TFCP2: variants seen among roughly 807,000 people sequenced by gnomAD.
TFCP2 encodes alpha-globin transcription factor CP2.
A neutral mutation model predicts 73.4 loss-of-function variants in TFCP2; 33 were observed. The ratio of observed to expected loss-of-function variants is 0.45; its 90% CI spans 0.34 to 0.60. The LOEUF (loss-of-function observed/expected upper bound fraction) is 0.60. Ranked by LOEUF, TFCP2 falls within the 20% of genes least tolerant of loss-of-function variation. The pLI, the probability that TFCP2 is intolerant of heterozygous loss-of-function variation, is 0.01. For missense variants in TFCP2, 352 were observed against 604.0 expected (o/e 0.58, Z 4.37); for synonymous variants, 193 against 211.6 (o/e 0.91, Z 0.76).
chr12:51,118,538 C>T, intron 2 of TFCP2, 83 bp downstream of exon 2: 1 of 1,518,384 alleles, frequency 6.6e-7, no homozygotes, highest in Non-Finnish European at 8.9e-7. Context: ...CTGGGTGACG[C>T]CGTCTCAAAA....
At chr12:51,127,467 GA>G (rs1223247161) in intron 1 of TFCP2, among the ~76,000 whole-genome samples, 5 of 152,250 alleles carry the variant, frequency 3.3e-5, no homozygotes, top group African/African-American at 1.2e-4. Context: ...TATAAAGAAA[GA>G]AACTATTTTT....
rs1939921186 is a variant in TFCP2, at chr12:51,095,072, G to A, written c.*169C>T. 10 of 732,262 alleles carry A rather than the reference G, an allele frequency of 1.4e-5. No homozygotes were observed. In the South Asian group the frequency reaches 1.6e-4, roughly 12 times the overall value. 45.4% of individuals were successfully genotyped at this position (732,262 alleles called of 1,614,324 possible). ...AATCTGTGTGTACCACAAGAGCTTG[G>A]GCCAACACAGAGGGCCAGGATTCTG... is the stretch of plus-strand genomic sequence containing the variant. On this transcript the variant is annotated 3_prime_UTR_variant, in exon 15 of 15. Transcript: ENST00000257915.
At chr12:51,141,814 A>C (rs1941198291) in intron 1 of TFCP2, among the ~76,000 whole-genome samples, 1 of 151,474 alleles carries the variant, frequency 6.6e-6, no homozygotes, top group Non-Finnish European at 1.5e-5. Flanking sequence ...GCTGAGGTAC[A>C]AGCATCGTTT....
intron 1 of TFCP2, among the ~76,000 whole-genome samples, chr12:51,120,960 G>A (rs993438399): frequency 3.4e-5 from 5 of 149,042 alleles, no homozygotes; most frequent in African/African-American, 1.2e-4. Context: ...GTTAAAGCAA[G>A]GTGATGAGTA....
chr12:51,152,658 A>G (rs920302138), intron 1 of TFCP2, among the ~76,000 whole-genome samples: 1 of 152,218 alleles, frequency 6.6e-6, no homozygotes, highest in African/African-American at 2.4e-5. Context: ...AAATTCTGAG[A>G]AAGAGAAGGA....
rs147292666 is a variant in TFCP2 at position 51,141,558 on chromosome 12, AC to A, written c.123-22787del. 1.7e-3 allele frequency among the ~76,000 whole-genome samples: 253 copies of A among 152,164 alleles called. 7 individuals carry two copies. In the East Asian group the frequency reaches 0.046, roughly 28 times the overall value. On this transcript the variant is annotated intron_variant, in intron 1 of 14. Coordinates refer to ENST00000257915, the MANE Select transcript of TFCP2 (RefSeq NM_005653.5). ...TGGCCATCCTAGGTACTTAATAAAC[AC>A]TATTTTTTTAAATAACTAAAATAAT...
chr12:51,130,693 T>TC, intron 1 of TFCP2, among the ~76,000 whole-genome samples: 1 of 151,050 alleles, frequency 6.6e-6, no homozygotes, highest in Non-Finnish European at 1.5e-5. Flanking sequence ...TGTCTATACT[T>TC]AAAAAAAAAC....
intron 1 of TFCP2, among the ~76,000 whole-genome samples, chr12:51,137,860 G>A (rs1941096072): frequency 2.6e-5 from 4 of 152,120 alleles, no homozygotes; most frequent in Admixed American, 2.6e-4. Context: ...TCCACACTTA[G>A]CCCTTTATAG....
chr12:51,170,266 A>C (rs1264208932), intron 1 of TFCP2, among the ~76,000 whole-genome samples: 2 of 152,128 alleles, frequency 1.3e-5, no homozygotes, highest in East Asian at 3.9e-4. Flanking sequence ...ATGGAACTCA[A>C]GTTTCCCTGA....
At chr12:51,153,973 C>T (rs746869197) in intron 1 of TFCP2, among the ~76,000 whole-genome samples, 1 of 152,176 alleles carries the variant, frequency 6.6e-6, no homozygotes, top group African/African-American at 2.4e-5. Flanking sequence ...AGTGAATGCA[C>T]CATTTTACAT....
intron 1 of TFCP2, among the ~76,000 whole-genome samples, chr12:51,122,181 ATGT>A (rs916027511): frequency 6.6e-6 from 1 of 151,366 alleles, no homozygotes; most frequent in African/African-American, 2.4e-5. Context: ...CTGAATAACA[ATGT>A]TATTATTTGA....
chr12:51,129,581 T>C (rs1222052246), intron 1 of TFCP2, among the ~76,000 whole-genome samples: 4 of 151,150 alleles, frequency 2.6e-5, no homozygotes, highest in Non-Finnish European at 4.4e-5. Context: ...TAAAGTCATG[T>C]CACATGTAGA....
At chr12:51,127,493 T>C (rs1940840922) in intron 1 of TFCP2, among the ~76,000 whole-genome samples, 1 of 152,158 alleles carries the variant, frequency 6.6e-6, no homozygotes, top group South Asian at 2.1e-4. Context: ...ATTGCACTGA[T>C]GTGTCATCAA....
intron 1 of TFCP2, among the ~76,000 whole-genome samples, chr12:51,135,382 G>GT (rs1312149706): frequency 6.6e-6 from 1 of 152,060 alleles, no homozygotes; most frequent in Non-Finnish European, 1.5e-5. Flanking sequence ...AGCCGAGATC[G>GT]TGCCACTGCA....
intron 8 of TFCP2, 140 bp from the exon 9 acceptor site, chr12:51,104,343 G>A: frequency 1.5e-6 from 1 of 659,104 alleles, no homozygotes; most frequent in South Asian, 2.2e-5. Context: ...CTTATTCTTT[G>A]ACCCAATACT....
chr12:51,149,525 TAC>T (rs2137027567), intron 1 of TFCP2, among the ~76,000 whole-genome samples: 1 of 152,258 alleles, frequency 6.6e-6, no homozygotes, highest in Non-Finnish European at 1.5e-5. Context: ...TTTATGAACT[TAC>T]AGTAAAAAGG....
chr12:51,124,694 C>T (rs762118115), intron 1 of TFCP2: 10 of 662,616 alleles, frequency 1.5e-5, no homozygotes, highest in South Asian at 1.3e-4. Context: ...CCGCGGTGGC[C>T]AGTGAGTTGG....
At chr12:51,111,731 G>A (rs1385287951) in intron 4 of TFCP2, among the ~76,000 whole-genome samples, 2 of 151,968 alleles carry the variant, frequency 1.3e-5, no homozygotes, top group Non-Finnish European at 2.9e-5. Flanking sequence ...GCCCACACCT[G>A]TAATCCCAGC....
At chr12:51,158,289 G>A (rs912699997) in intron 1 of TFCP2, among the ~76,000 whole-genome samples, 1 of 152,002 alleles carries the variant, frequency 6.6e-6, no homozygotes, top group Non-Finnish European at 1.5e-5. Flanking sequence ...GGTATTACAG[G>A]TATAAGCCAC....
Sources: allele counts gnomAD v4.1 joint callset (sites outside exome capture counted in the v4.1 genomes callset), GRCh38; gene constraint gnomAD v4.1.1; transcripts MANE v1.5; gene names NCBI Gene and HGNC (gene_info 2026-07-23, HGNC 2026-07-21).